Variants in CNR2 observed in about 807,000 individuals in gnomAD.
The protein encoded by CNR2 is cannabinoid receptor 2, also known as cannabinoid receptor 2 (macrophage).
For missense variants in CNR2, 379 were observed against 439.9 expected (o/e 0.86, Z 1.24); for synonymous variants, 172 against 182.2 (o/e 0.94, Z 0.45).
intron 1 of CNR2, among the ~76,000 whole-genome samples, chr1:23,890,270 A>AAAAAAAG (rs1553141217): frequency 1.4e-5 from 2 of 140,306 alleles, no homozygotes; most frequent in South Asian, 2.1e-4. Context: ...AAAAAAAAAA[A>AAAAAAAG]AAAAGAAAAG....
At chr1:23,884,631 T>A (rs182138567) in intron 1 of CNR2, among the ~76,000 whole-genome samples, 2 of 151,268 alleles carry the variant, frequency 1.3e-5, no homozygotes. Context: ...TCCCCGCAAC[T>A]CTATGATATT....
chr1:23,908,555 C>T (rs1435076257), intron 1 of CNR2, among the ~76,000 whole-genome samples: 4 of 152,174 alleles, frequency 2.6e-5, no homozygotes, highest in African/African-American at 9.7e-5. Context: ...CCTTCTGGAA[C>T]ATCTCCCTCC....
At chr1:23,910,355 T>C (rs913362676) in intron 1 of CNR2, among the ~76,000 whole-genome samples, 6 of 151,670 alleles carry the variant, frequency 4.0e-5, no homozygotes, top group Admixed American at 2.0e-4. Flanking sequence ...GGTGAGGACT[T>C]AATGAGGAAC....
intron 1 of CNR2, among the ~76,000 whole-genome samples, chr1:23,894,208 G>T (rs1376670697): frequency 6.6e-6 from 1 of 151,326 alleles, no homozygotes; most frequent in Non-Finnish European, 1.5e-5. Context: ...ATCGCCAGAG[G>T]TCAGGAGTTC....
chr1:23,894,370 G>A (rs1233838646), intron 1 of CNR2, among the ~76,000 whole-genome samples: 3 of 151,682 alleles, frequency 2.0e-5, no homozygotes, highest in African/African-American at 7.3e-5. Flanking sequence ...GCACTGAGCT[G>A]AGATCATGCC....
intron 1 of CNR2, among the ~76,000 whole-genome samples, chr1:23,911,291 G>T (rs1443072343): frequency 6.6e-6 from 1 of 151,816 alleles, no homozygotes; most frequent in African/African-American, 2.4e-5. Flanking sequence ...CAGGACCTCT[G>T]GGGGAAGTCA....
chr1:23,904,402 C>T (rs1640454009), intron 1 of CNR2, among the ~76,000 whole-genome samples: 1 of 152,108 alleles, frequency 6.6e-6, no homozygotes, highest in African/African-American at 2.4e-5. Flanking sequence ...TCTCGAACTC[C>T]TGACCTCAGG....
chr1:23,897,414 C>T (rs867131564), intron 1 of CNR2, among the ~76,000 whole-genome samples: 1 of 151,974 alleles, frequency 6.6e-6, no homozygotes, highest in South Asian at 2.1e-4. Context: ...CCTATTAGTA[C>T]TTGCTGTATT....
chr1:23,886,998 C>A (rs568983247), intron 1 of CNR2, among the ~76,000 whole-genome samples: 39 of 152,142 alleles, frequency 2.6e-4, no homozygotes, highest in Non-Finnish European at 4.3e-4. Flanking sequence ...TTGTGCCTCC[C>A]GGGTTCAAGT....
chr1:23,882,707 C>G (rs1439383972), intron 1 of CNR2, among the ~76,000 whole-genome samples: 2 of 150,554 alleles, frequency 1.3e-5, no homozygotes, highest in African/African-American at 2.4e-5. Context: ...ATAATCCCAG[C>G]TACTTGGGAG....
chr1:23,884,682 G>A (rs1269060188), intron 1 of CNR2, among the ~76,000 whole-genome samples: 1 of 151,718 alleles, frequency 6.6e-6, no homozygotes, highest in Non-Finnish European at 1.5e-5. Context: ...ATAAAAGGTC[G>A]GCAATGTTAA....
intron 1 of CNR2, among the ~76,000 whole-genome samples, chr1:23,880,933 T>A (rs1268811983): frequency 6.7e-6 from 1 of 150,316 alleles, no homozygotes; most frequent in Admixed American, 6.6e-5. Flanking sequence ...TAATATAAAA[T>A]GATCTGTTGT....
chr1:23,890,406 A>G lies in CNR2; in HGVS notation c.-45-14744T>C, dbSNP rs1570711844. On this transcript the variant is annotated intron_variant, in intron 1 of 1. Coordinates refer to ENST00000374472, the MANE Select transcript of CNR2 (RefSeq NM_001841.3). ...GACACTTTGCCACCACTGAGGACAA[A>G]CCACCACATTTTGGAAAACTTGTTC... 5.3e-5 allele frequency among the ~76,000 whole-genome samples: 8 copies of G among 152,028 alleles called. No homozygotes were observed. The East Asian group carries it at 1.5e-3, about 29-fold the overall frequency.
intron 1 of CNR2, among the ~76,000 whole-genome samples, chr1:23,883,446 T>C (rs1027243049): frequency 6.6e-6 from 1 of 152,210 alleles, no homozygotes; most frequent in African/African-American, 2.4e-5. Flanking sequence ...GTCCATCAAC[T>C]GGAAAATGGA....
chr1:23,880,864 G>A (rs1344550264), intron 1 of CNR2, among the ~76,000 whole-genome samples: 9 of 149,548 alleles, frequency 6.0e-5, no homozygotes, highest in Non-Finnish European at 3.0e-5. Flanking sequence ...GTTTATATAT[G>A]TAATTTAAAT....
At chr1:23,885,015 T>C (rs1013782087) in intron 1 of CNR2, among the ~76,000 whole-genome samples, 1 of 152,128 alleles carries the variant, frequency 6.6e-6, no homozygotes, top group Non-Finnish European at 1.5e-5. Context: ...TTGGCCATGC[T>C]GGTCTTGAAC....
chr1:23,902,761 C>T (rs1188293753), intron 1 of CNR2: 1 of 1,504,606 alleles, frequency 6.6e-7, no homozygotes. Flanking sequence ...TGGGGCTCTC[C>T]GGGTGGTTGT....
chr1:23,912,588 T>A (rs2501415), intron 1 of CNR2, among the ~76,000 whole-genome samples: 3 of 152,236 alleles, frequency 2.0e-5, no homozygotes, highest in Non-Finnish European at 2.9e-5. Flanking sequence ...CAGTGATAGC[T>A]CCTACTGCAT....
rs116343276 is a variant in CNR2 at position 23,889,810 on chromosome 1, T to G, written c.-45-14148A>C. On this transcript the variant is annotated intron_variant, in intron 1 of 1. Coordinates refer to ENST00000374472, the MANE Select transcript of CNR2 (RefSeq NM_001841.3). ...CCTTGGGCACCTTACTGCACCTCTC[T>G]GAGCCTCTGTTTCATTCACTTGTAA... Among the ~76,000 whole-genome samples the G allele has an allele frequency of 8.8e-3, 1,334 of 152,342 alleles. 14 individuals are homozygous for G. The highest frequency in any genetic ancestry group is 0.031 in the Middle Eastern group (9 of 294).
Sources: allele counts gnomAD v4.1 joint callset (sites outside exome capture counted in the v4.1 genomes callset), GRCh38; gene constraint gnomAD v4.1.1; transcripts MANE v1.5; gene names NCBI Gene and HGNC (gene_info 2026-07-23, HGNC 2026-07-21).